SEMA3A: variants seen among roughly 807,000 people sequenced by gnomAD.
The protein encoded by SEMA3A is semaphorin-3A.
In SEMA3A, 29 loss-of-function variants were observed where a neutral mutation model predicts 97.9. The ratio of observed to expected loss-of-function variants is 0.30; its 90% confidence interval spans 0.22 to 0.40. The LOEUF is 0.40. Ranked by LOEUF, SEMA3A falls within the 10% of genes least tolerant of loss-of-function variation. The pLI is 1.00. For synonymous variants in SEMA3A, 321 were observed against 323.7 expected, an observed-to-expected ratio of 0.99 and a Z score of 0.09; for missense variants, 763 against 951.3, an observed-to-expected ratio of 0.80 and a Z score of 2.60.
chr7:84,369,828 T>C lies in SEMA3A; in HGVS notation c.-169+1996A>G, dbSNP rs1422563312. On this transcript the variant is annotated intron_variant, in intron 2 of 3. Transcript: ENST00000424555. Reference sequence around the variant, plus strand: ...AGTAATTAGTAAATTAATATTTTTATATGAATGAAAATTAGTAATATAAAT... The same window carrying C: ...AGTAATTAGTAAATTAATATTTTTACATGAATGAAAATTAGTAATATAAAT... Among the ~76,000 whole-genome samples, 4 of 150,164 alleles carry C rather than the reference T, an allele frequency of 2.7e-5. No individual in the cohort carries two copies. The South Asian group carries it at 8.3e-4, about 31-fold the overall frequency.
At chr7:84,135,270 C>T (rs1431042214) in intron 1 of SEMA3A, among the ~76,000 whole-genome samples, 1 of 151,646 alleles carries the variant, frequency 6.6e-6, no homozygotes, top group Non-Finnish European at 1.5e-5. Flanking sequence ...ACCACTATGC[C>T]CGGCTAATTT....
intron 2 of SEMA3A, among the ~76,000 whole-genome samples, chr7:84,352,005 T>C (rs1276990930): frequency 6.7e-6 from 1 of 148,590 alleles, no homozygotes. Context: ...ATAAAGAAAA[T>C]GTAGTATAGA....
intron 3 of SEMA3A, among the ~76,000 whole-genome samples, chr7:84,201,377 T>C (rs755060931): frequency 6.6e-6 from 1 of 152,098 alleles, no homozygotes; most frequent in African/African-American, 2.4e-5. Flanking sequence ...AAATCTACAG[T>C]GCATTCTGCT....
chr7:84,375,685 G>T (rs954724830), intron 1 of SEMA3A, among the ~76,000 whole-genome samples: 2 of 152,080 alleles, frequency 1.3e-5, no homozygotes, highest in African/African-American at 4.8e-5. Context: ...TCATCTTAGT[G>T]TTGGGAATAT....
At chr7:84,220,047 T>C (rs1341054941) in intron 3 of SEMA3A, among the ~76,000 whole-genome samples, 1 of 152,182 alleles carries the variant, frequency 6.6e-6, no homozygotes, top group Non-Finnish European at 1.5e-5. Flanking sequence ...CTTGAGAGCA[T>C]TTTAGCCCAG....
At chr7:84,201,844 G>A (rs1798365847) in intron 3 of SEMA3A, among the ~76,000 whole-genome samples, 1 of 152,078 alleles carries the variant, frequency 6.6e-6, no homozygotes, top group South Asian at 2.1e-4. Flanking sequence ...AAGTGACAAT[G>A]TGAGTATTCC....
At chr7:84,000,721 C>T (rs1790406045) in intron 12 of SEMA3A, among the ~76,000 whole-genome samples, 1 of 152,092 alleles carries the variant, frequency 6.6e-6, no homozygotes, top group African/African-American at 2.4e-5. Context: ...TTTGTTATTA[C>T]AAAACATCTA....
At chr7:84,001,377 T>C (rs1790443816) in intron 12 of SEMA3A, among the ~76,000 whole-genome samples, 2 of 142,852 alleles carry the variant, frequency 1.4e-5, no homozygotes, top group South Asian at 5.0e-4. Context: ...GGGCCATCTG[T>C]GATTCAGGAT....
intron 4 of SEMA3A, among the ~76,000 whole-genome samples, chr7:84,102,976 T>A (rs1795002805): frequency 6.6e-6 from 1 of 152,122 alleles, no homozygotes; most frequent in Non-Finnish European, 1.5e-5. Context: ...TGACAGTAAC[T>A]AAGTATATGC....
intron 14 of SEMA3A, among the ~76,000 whole-genome samples, chr7:83,977,788 C>CTTT (rs139682272): frequency 6.4e-5 from 9 of 141,096 alleles, no homozygotes; most frequent in African/African-American, 2.3e-4. Flanking sequence ...TCAACCTATC[C>CTTT]TTTTTTTTTT....
At chr7:84,265,649 C>A (rs183917063) in intron 3 of SEMA3A, among the ~76,000 whole-genome samples, 1 of 151,336 alleles carries the variant, frequency 6.6e-6, no homozygotes, top group Non-Finnish European at 1.5e-5. Flanking sequence ...TATTTCATTC[C>A]TATTTGTCTA....
rs77712974 is a variant in SEMA3A, at chr7:84,274,124, A to C, written c.-83+33083T>G. Among the ~76,000 whole-genome samples the C allele has an allele frequency of 2.0e-5, 3 of 152,204 alleles. No homozygotes were observed. In the East Asian group the frequency reaches 5.8e-4, roughly 29 times the overall value. ...GTTTGGCCCATTTTTAACCATTTAA[A>C]ATTTATCTTTTGCTGTTTCTGCTTA... On this transcript the variant is annotated intron_variant, in intron 3 of 3. Transcript: ENST00000424555.
At chr7:84,309,849 C>A (rs1212372757) in intron 2 of SEMA3A, among the ~76,000 whole-genome samples, 1 of 151,904 alleles carries the variant, frequency 6.6e-6, no homozygotes, top group Non-Finnish European at 1.5e-5. Context: ...ATTGACTATT[C>A]CAGAAACAGC....
intron 3 of SEMA3A, among the ~76,000 whole-genome samples, chr7:84,300,286 A>T (rs1365129049): frequency 6.6e-6 from 1 of 152,050 alleles, no homozygotes; most frequent in Non-Finnish European, 1.5e-5. Flanking sequence ...ACACATATAC[A>T]CATCTTGATA....
intron 3 of SEMA3A, among the ~76,000 whole-genome samples, chr7:84,286,020 T>C (rs1413450348): frequency 6.6e-6 from 1 of 151,536 alleles, no homozygotes; most frequent in Admixed American, 6.6e-5. Flanking sequence ...AGATATTTCC[T>C]TTCCTTTGGT....
chr7:83,980,726 TTAC>T (rs1789381159), intron 14 of SEMA3A, among the ~76,000 whole-genome samples: 1 of 150,674 alleles, frequency 6.6e-6, no homozygotes, highest in Non-Finnish European at 1.5e-5. Flanking sequence ...GATAGATATT[TTAC>T]TACATGGTTT....
At chr7:84,070,243 G>C (rs1793689948) in intron 4 of SEMA3A, among the ~76,000 whole-genome samples, 2 of 152,090 alleles carry the variant, frequency 1.3e-5, no homozygotes, top group Non-Finnish European at 2.9e-5. Context: ...TTACATGATT[G>C]CATCAGTTTT....
chr7:84,362,075 C>T, intron 2 of SEMA3A, among the ~76,000 whole-genome samples: 1 of 152,006 alleles, frequency 6.6e-6, no homozygotes, highest in East Asian at 1.9e-4. Flanking sequence ...GGTCTGAAAA[C>T]AATCTCTCTA....
intron 4 of SEMA3A, among the ~76,000 whole-genome samples, chr7:84,102,324 A>C (rs1794980750): frequency 6.6e-6 from 1 of 152,160 alleles, no homozygotes; most frequent in Admixed American, 6.6e-5. Context: ...AAATCATGGT[A>C]ATGTTTCTAT....
Sources: gnomAD v4.1 joint callset for allele counts (sites outside exome capture counted in the v4.1 genomes callset) on GRCh38, gnomAD v4.1.1 for gene constraint, MANE v1.5 for transcripts, NCBI Gene and HGNC (gene_info 2026-07-23, HGNC 2026-07-21) for gene names.